Variants in TBC1D14 observed in about 807,000 individuals in gnomAD.
The protein encoded by TBC1D14 is TBC1 domain family, member 14.
In TBC1D14, 26 loss-of-function variants were observed where a neutral mutation model predicts 79.0. The observed-to-expected ratio is 0.33, with a 90% CI of 0.24 to 0.46. TBC1D14 has a LOEUF of 0.46. Ranked by LOEUF, TBC1D14 falls within the 20% of genes least tolerant of loss-of-function variation. The pLI is 1.00. For synonymous variants in TBC1D14, 394 were observed against 349.9 expected, an observed-to-expected ratio of 1.13 and a Z score of -1.40; for missense variants, 769 against 887.6, an observed-to-expected ratio of 0.87 and a Z score of 1.70.
In TBC1D14 at chr4:7,031,491, TC is replaced by T. The variant is rs1249656066; in HGVS notation, c.*1103del. ...AGATGCTCATACTGGACCATCAGCC[TC>T]CCCATTTTAGCTGACTTTCCCAGGG... On this transcript the variant is annotated 3_prime_UTR_variant, in exon 14 of 14. Transcript: ENST00000409757. The T allele has an allele frequency of 6.6e-6, 1 of 152,280 alleles. No individual in the cohort carries two copies. Among genetic ancestry groups the T allele is most frequent in the Non-Finnish European group, 1.5e-5 (1 of 68,050 alleles). The allele number at this position is 152,280 out of a possible 1,614,324, so 9.4% of individuals were successfully genotyped here.
chr4:6,920,247 G>T (rs771677316), intron 1 of TBC1D14, among the ~76,000 whole-genome samples: 18 of 151,638 alleles, frequency 1.2e-4, no homozygotes, highest in Non-Finnish European at 2.4e-4. Context: ...TCTCTGGGAA[G>T]GAGGGAGATT....
chr4:7,016,399 C>T (rs1182408977), intron 12 of TBC1D14, among the ~76,000 whole-genome samples: 3 of 152,214 alleles, frequency 2.0e-5, no homozygotes, highest in African/African-American at 7.2e-5. Context: ...ACAGGCTGCC[C>T]CACCGTGTGC....
chr4:7,030,232 A>T, intron 13 of TBC1D14, 95 bp from the exon 14 acceptor site: 1 of 1,176,306 alleles, frequency 8.5e-7, no homozygotes, highest in Non-Finnish European at 1.3e-6. Flanking sequence ...GAGCCGGGGG[A>T]CCCTGTTAGG....
chr4:7,007,728 C>A, intron 9 of TBC1D14: 1 of 640,572 alleles, frequency 1.6e-6, no homozygotes, highest in Non-Finnish European at 2.4e-6. Context: ...CAGATTTCAG[C>A]TTCTCTGCCC....
chr4:6,978,342 G>A (rs7680047), intron 3 of TBC1D14, among the ~76,000 whole-genome samples: 142,169 of 143,944 alleles, frequency 0.99, 70,245 homozygotes, highest in Middle Eastern at 1. Context: ...GATGGTTGCT[G>A]TGTCTGTGTA....
intron 9 of TBC1D14, 89 bp from the exon 10 acceptor site, chr4:7,009,788 G>A: frequency 7.9e-7 from 1 of 1,268,920 alleles, no homozygotes; most frequent in South Asian, 1.2e-5. Flanking sequence ...TAGCAGGAGT[G>A]GCAGCGGCAG....
At position 6,924,091 on chromosome 4, in the gene TBC1D14, A is replaced by G. The variant is rs760738795; in HGVS notation, c.702A>G (p.Pro234=). The G allele has an allele frequency of 5.6e-6, 9 of 1,612,660 alleles. No individual in the cohort carries two copies. Among genetic ancestry groups the G allele is most frequent in the Non-Finnish European group, 7.6e-6 (9 of 1,179,364 alleles). The stretch of plus-strand genomic sequence containing the variant: ...GGAGTAAATTGAAAATATTGGGGCC[A>G]TTTAGTAACTTCTTTGCAAGGTAAT... The part of the protein sequence containing the change: ...EEGSKLKILG[P]FSNFFARNLL... The change falls in exon 2 of 14, where the codon CCA becomes CCG. Residue 234 remains proline (P), a synonymous_variant. Transcript: ENST00000409757.
chr4:6,943,195 A>T (rs1713081270), intron 2 of TBC1D14, among the ~76,000 whole-genome samples: 1 of 151,882 alleles, frequency 6.6e-6, no homozygotes, highest in South Asian at 2.1e-4. Context: ...GGCACACACA[A>T]CTCCACTCAG....
chr4:6,952,831 T>G (rs1471160360), intron 2 of TBC1D14, among the ~76,000 whole-genome samples: 3 of 150,834 alleles, frequency 2.0e-5, no homozygotes, highest in Admixed American at 6.6e-5. Flanking sequence ...TTTAGACTAG[T>G]TTTTTTTTGT....
At chr4:6,977,515 G>A (rs1445057454) in intron 3 of TBC1D14, among the ~76,000 whole-genome samples, 14 of 149,730 alleles carry the variant, frequency 9.4e-5, no homozygotes, top group African/African-American at 3.2e-4. Flanking sequence ...GCAAAGTGCC[G>A]AGATTGCAGC....
chr4:6,996,206 A>C, intron 4 of TBC1D14, 119 bp from the exon 5 acceptor site: 1 of 765,996 alleles, frequency 1.3e-6, no homozygotes, highest in Admixed American at 2.8e-5. Flanking sequence ...TGTAATCTTA[A>C]AAAAATGAGT....
At chr4:7,022,172 C>T (rs1027683577) in intron 12 of TBC1D14, among the ~76,000 whole-genome samples, 2 of 152,228 alleles carry the variant, frequency 1.3e-5, no homozygotes, top group African/African-American at 4.8e-5. Flanking sequence ...GGTCTCTGCC[C>T]TTGAGGCACT....
chr4:6,964,053 C>T (rs1156604099), intron 2 of TBC1D14, among the ~76,000 whole-genome samples: 1 of 152,192 alleles, frequency 6.6e-6, no homozygotes, highest in African/African-American at 2.4e-5. Flanking sequence ...ACCTCGGCCT[C>T]CCAAAGTACT....
intron 2 of TBC1D14, among the ~76,000 whole-genome samples, chr4:6,937,434 A>G (rs923686990): frequency 1.3e-5 from 2 of 152,102 alleles, no homozygotes; most frequent in Admixed American, 6.5e-5. Context: ...TTCATTTCCT[A>G]ATACTGTCAA....
At chr4:7,000,785 A>G (rs1345313002) in intron 6 of TBC1D14, among the ~76,000 whole-genome samples, 2 of 152,166 alleles carry the variant, frequency 1.3e-5, no homozygotes. Flanking sequence ...ACTCCCAGCT[A>G]TGTGCTGTTC....
At chr4:6,926,547 C>T (rs1399251892) in intron 2 of TBC1D14, among the ~76,000 whole-genome samples, 1 of 152,172 alleles carries the variant, frequency 6.6e-6, no homozygotes, top group Non-Finnish European at 1.5e-5. Context: ...TATTGTGAGC[C>T]TCTCTGAACT....
intron 3 of TBC1D14, among the ~76,000 whole-genome samples, chr4:6,968,802 T>C (rs55672215): frequency 0.1 from 15,193 of 152,278 alleles, 1,045 homozygotes; most frequent in African/African-American, 0.19. Context: ...TTTACGTAGG[T>C]AAGGAGTGAT....
At chr4:6,956,868 C>T (rs965468218) in intron 2 of TBC1D14, among the ~76,000 whole-genome samples, 2 of 152,212 alleles carry the variant, frequency 1.3e-5, no homozygotes, top group Admixed American at 6.5e-5. Flanking sequence ...GGTTCCTCAC[C>T]GCTCCATTTG....
chr4:6,931,292 G>T (rs762661302), intron 2 of TBC1D14, among the ~76,000 whole-genome samples: 3 of 152,228 alleles, frequency 2.0e-5, no homozygotes, highest in Non-Finnish European at 2.9e-5. Flanking sequence ...ATTTTCAGCA[G>T]ATTGATTACC....
Sources: gnomAD v4.1 joint callset for allele counts (sites outside exome capture counted in the v4.1 genomes callset) on GRCh38, gnomAD v4.1.1 for gene constraint, MANE v1.5 for transcripts, NCBI Gene and HGNC (gene_info 2026-07-23, HGNC 2026-07-21) for gene names.